GLI2: variants seen among roughly 807,000 people sequenced by gnomAD.
GLI2 encodes transcription activator GLI2.
GLI2 carries 22 observed loss-of-function variants against 78.9 expected under a neutral mutation model. The ratio of observed to expected loss-of-function variants is 0.28; its 90% CI spans 0.20 to 0.40. GLI2 has a LOEUF of 0.40. Ranked by LOEUF, GLI2 falls within the 10% of genes least tolerant of loss-of-function variation. The pLI is 1.00. For synonymous variants in GLI2, 974 were observed against 963.7 expected (o/e 1.01, Z -0.20); for missense variants, 2,097 against 2,213.2 (o/e 0.95, Z 1.05).
chr2:120,843,887 G>A (rs542975467), intron 2 of GLI2, among the ~76,000 whole-genome samples: 184 of 152,170 alleles, frequency 1.2e-3, no homozygotes, highest in Non-Finnish European at 1.7e-3. Flanking sequence ...GGCTGGTCTC[G>A]AACTCCTGAC....
At chr2:120,820,805 A>G (rs560195773) in intron 2 of GLI2, among the ~76,000 whole-genome samples, 1 of 152,294 alleles carries the variant, frequency 6.6e-6, no homozygotes, top group African/African-American at 2.4e-5. Context: ...TCCAGTGGCC[A>G]CGGAGCAGGC....
chr2:120,874,243 C>T (rs1211243375), intron 2 of GLI2, among the ~76,000 whole-genome samples: 1 of 152,166 alleles, frequency 6.6e-6, no homozygotes, highest in East Asian at 1.9e-4. Flanking sequence ...TTTGGTCTGT[C>T]TTCTCAACTG....
At chr2:120,899,990 G>A (rs927825438) in intron 2 of GLI2, among the ~76,000 whole-genome samples, 1 of 152,184 alleles carries the variant, frequency 6.6e-6, no homozygotes, top group African/African-American at 2.4e-5. Flanking sequence ...GGGAAGGTGC[G>A]GAGGATTTGC....
intron 2 of GLI2, among the ~76,000 whole-genome samples, chr2:120,914,265 A>C (rs995433185): frequency 1.3e-5 from 2 of 152,198 alleles, no homozygotes; most frequent in East Asian, 3.9e-4. Flanking sequence ...GGAAAGCCTG[A>C]ATCCATCCCA....
At chr2:120,895,909 T>C (rs1677919303) in intron 2 of GLI2, among the ~76,000 whole-genome samples, 1 of 152,134 alleles carries the variant, frequency 6.6e-6, no homozygotes, top group South Asian at 2.1e-4. Context: ...ACCTTGATAT[T>C]TGCAAAGGGC....
At chr2:120,759,433 C>T (rs936802386) in intron 1 of GLI2, among the ~76,000 whole-genome samples, 6 of 152,112 alleles carry the variant, frequency 3.9e-5, no homozygotes, top group East Asian at 1.9e-4. Flanking sequence ...GTTCCCATGC[C>T]GCCTTCCTTG....
At chr2:120,814,670 A>G (rs1033955584) in intron 2 of GLI2, among the ~76,000 whole-genome samples, 1 of 152,212 alleles carries the variant, frequency 6.6e-6, no homozygotes, top group South Asian at 2.1e-4. Context: ...CACAGGAGCA[A>G]GAACCCTATT....
intron 2 of GLI2, among the ~76,000 whole-genome samples, chr2:120,910,892 A>G (rs11901319): frequency 0.066 from 10,014 of 152,340 alleles, 1,102 homozygotes; most frequent in African/African-American, 0.23. Flanking sequence ...TTTTGGAAAG[A>G]CCACGAATGA....
At chr2:120,872,284 A>G (rs2871873) in intron 2 of GLI2, among the ~76,000 whole-genome samples, 50,223 of 152,058 alleles carry the variant, frequency 0.33, 9,743 homozygotes, top group East Asian at 0.76. Flanking sequence ...GACTGGACCC[A>G]GGTTCTGATT....
chr2:120,864,510 C>T (rs1258437450), intron 2 of GLI2, among the ~76,000 whole-genome samples: 2 of 152,048 alleles, frequency 1.3e-5, no homozygotes, highest in African/African-American at 4.8e-5. Context: ...CTCTGTCTGT[C>T]GCCCAGGCTG....
chr2:120,978,465 A>C lies in GLI2; in HGVS notation c.1349A>C (p.Lys450Thr), dbSNP rs777526546. 11 of 1,614,058 alleles carry C rather than the reference A, an allele frequency of 6.8e-6. No homozygotes were observed. Among genetic ancestry groups the C allele is most frequent in the Non-Finnish European group, 9.3e-6 (11 of 1,180,026 alleles). Reference protein sequence around the residue: ...HINNEHIHGEKKEFVCRWQAC... With the variant: ...HINNEHIHGETKEFVCRWQAC... ...AACAACGAGCACATCCACGGGGAGA[A>C]GAAGGAGTTTGTGTGCCGCTGGCAG... Residue 450 changes from lysine to threonine, a missense_variant, in exon 10 of 14, where the codon AAG becomes ACG. By Grantham distance (78) the Lys-to-Thr change is moderately conservative. Coordinates refer to ENST00000361492, the MANE Select transcript of GLI2 (RefSeq NM_001374353.1).
chr2:120,977,534 G>T (rs992833399), intron 9 of GLI2, among the ~76,000 whole-genome samples: 1 of 152,156 alleles, frequency 6.6e-6, no homozygotes, highest in African/African-American at 2.4e-5. Context: ...GACAGTGTGG[G>T]TCTAGAGGTT....
intron 2 of GLI2, among the ~76,000 whole-genome samples, chr2:120,843,609 A>G (rs184497760): frequency 1.3e-3 from 196 of 152,198 alleles, no homozygotes; most frequent in Middle Eastern, 6.8e-3. Flanking sequence ...GGCAGCTGGG[A>G]CTCTGCAGGT....
chr2:120,874,831 G>T (rs1372055275), intron 2 of GLI2, among the ~76,000 whole-genome samples: 1 of 152,202 alleles, frequency 6.6e-6, no homozygotes, highest in Non-Finnish European at 1.5e-5. Flanking sequence ...GCTGGGGGTG[G>T]AGGGTACTCG....
intron 6 of GLI2, among the ~76,000 whole-genome samples, chr2:120,970,190 G>A (rs116913324): frequency 2.0e-5 from 3 of 152,160 alleles, no homozygotes; most frequent in Non-Finnish European, 4.4e-5. Flanking sequence ...TCCTGGGGCA[G>A]AACCTGGGAG....
intron 1 of GLI2, among the ~76,000 whole-genome samples, chr2:120,753,067 G>A (rs12471609): frequency 0.2 from 30,203 of 149,670 alleles, 4,077 homozygotes; most frequent in African/African-American, 0.38. Flanking sequence ...GGGGTATAAG[G>A]GTGGGTGTTT....
At chr2:120,838,661 C>A (rs1010030511) in intron 2 of GLI2, among the ~76,000 whole-genome samples, 3 of 152,198 alleles carry the variant, frequency 2.0e-5, no homozygotes, top group Admixed American at 1.3e-4. Context: ...CACTCATGCA[C>A]CCCATAACAA....
At chr2:120,799,029 T>C (rs1267654201) in intron 2 of GLI2, among the ~76,000 whole-genome samples, 1 of 152,200 alleles carries the variant, frequency 6.6e-6, no homozygotes, top group African/African-American at 2.4e-5. Flanking sequence ...TGGTGCAATT[T>C]CCTGATGTGT....
intron 1 of GLI2, among the ~76,000 whole-genome samples, chr2:120,762,667 G>A (rs1432514449): frequency 3.3e-5 from 5 of 152,120 alleles, no homozygotes; most frequent in Non-Finnish European, 5.9e-5. Flanking sequence ...AGCGTCGAGG[G>A]CCTGCAGCTA....
Sources: allele counts gnomAD v4.1 joint callset (sites outside exome capture counted in the v4.1 genomes callset), GRCh38; gene constraint gnomAD v4.1.1; transcripts MANE v1.5; gene names NCBI Gene and HGNC (gene_info 2026-07-23, HGNC 2026-07-21).